The following KIAA0825 variants were observed in gnomAD, a reference collection of about 807,000 sequenced individuals.
The protein encoded by KIAA0825 is uncharacterized protein KIAA0825.
KIAA0825 carries 119 observed loss-of-function variants against 147.6 expected under a neutral mutation model. That is an observed-to-expected ratio of 0.81 (90% CI 0.69 to 0.94). The LOEUF (loss-of-function observed/expected upper bound fraction) is 0.94. KIAA0825 is among the 40% of genes least tolerant of loss of function. KIAA0825 has a pLI of 0.00. For missense variants in KIAA0825, 1,381 were observed against 1,472.7 expected, an observed-to-expected ratio of 0.94 and a Z score of 1.02; for synonymous variants, 470 against 518.1, an observed-to-expected ratio of 0.91 and a Z score of 1.26.
At chr5:94,463,287 G>A (rs1584567268) in intron 11 of KIAA0825, among the ~76,000 whole-genome samples, 1 of 150,802 alleles carries the variant, frequency 6.6e-6, no homozygotes, top group East Asian at 1.9e-4. Flanking sequence ...TTTACATTCA[G>A]GGTTGAAGAA....
intron 2 of KIAA0825, among the ~76,000 whole-genome samples, chr5:94,570,975 T>C (rs1455669123): frequency 1.3e-5 from 2 of 152,218 alleles, no homozygotes; most frequent in African/African-American, 4.8e-5. Context: ...TCATGAACAT[T>C]TATAGGCTGT....
chr5:94,384,315 A>G (rs1748848408), intron 20 of KIAA0825, 53 bp downstream of exon 20: 5 of 1,328,234 alleles, frequency 3.8e-6, no homozygotes, highest in African/African-American at 2.9e-5. Context: ...ACACACACGC[A>G]CACACACAAC....
At chr5:94,552,739 T>C (rs1775775258) in intron 2 of KIAA0825, among the ~76,000 whole-genome samples, 1 of 152,216 alleles carries the variant, frequency 6.6e-6, no homozygotes, top group Admixed American at 6.5e-5. Context: ...GTCTGGAGGA[T>C]ACCATGTTAA....
intron 20 of KIAA0825, among the ~76,000 whole-genome samples, chr5:94,230,853 A>G (rs1388012158): frequency 6.6e-6 from 1 of 151,984 alleles, no homozygotes; most frequent in Non-Finnish European, 1.5e-5. Flanking sequence ...CCTTCCCAAT[A>G]TTTTCACTGT....
chr5:94,600,321 T>C (rs1456544078), intron 1 of KIAA0825, among the ~76,000 whole-genome samples: 1 of 152,082 alleles, frequency 6.6e-6, no homozygotes, highest in Non-Finnish European at 1.5e-5. Flanking sequence ...GATATTTCCT[T>C]AATAGCATAT....
chr5:94,158,891 TCAA>T (rs1767286008), intron 20 of KIAA0825, among the ~76,000 whole-genome samples: 2 of 152,184 alleles, frequency 1.3e-5, no homozygotes, highest in Non-Finnish European at 2.9e-5. Flanking sequence ...TAGCAAGCAC[TCAA>T]CAAGTGATAA....
At chr5:94,589,644 C>T (rs549309237) in intron 1 of KIAA0825, among the ~76,000 whole-genome samples, 2 of 152,130 alleles carry the variant, frequency 1.3e-5, no homozygotes, top group East Asian at 3.9e-4. Flanking sequence ...TCTAGGCACT[C>T]CATATTTTGA....
chr5:94,223,565 C>A (rs563891221), intron 20 of KIAA0825, among the ~76,000 whole-genome samples: 1 of 152,284 alleles, frequency 6.6e-6, no homozygotes, highest in African/African-American at 2.4e-5. Context: ...ACTTGACAAA[C>A]GTTTTCCAAG....
intron 20 of KIAA0825, among the ~76,000 whole-genome samples, chr5:94,200,543 A>T (rs1771570531): frequency 6.9e-6 from 1 of 144,424 alleles, no homozygotes; most frequent in South Asian, 2.3e-4. Flanking sequence ...TATCATGACC[A>T]TTCTATGCTT....
At chr5:94,384,798 T>C (rs766452652) in intron 19 of KIAA0825, among the ~76,000 whole-genome samples, 15 of 152,212 alleles carry the variant, frequency 9.9e-5, no homozygotes, top group Non-Finnish European at 2.1e-4. Context: ...GGCAACTTTT[T>C]CATACATCAT....
intron 9 of KIAA0825, among the ~76,000 whole-genome samples, chr5:94,470,598 T>G (rs947763198): frequency 6.6e-6 from 1 of 152,212 alleles, no homozygotes; most frequent in African/African-American, 2.4e-5. Context: ...TACAGAAATA[T>G]TAAATAAAAT....
At chr5:94,334,453 A>G (rs1214684884) in intron 20 of KIAA0825, among the ~76,000 whole-genome samples, 1 of 152,220 alleles carries the variant, frequency 6.6e-6, no homozygotes, top group Non-Finnish European at 1.5e-5. Flanking sequence ...AAGGTAGAAT[A>G]AAGATTTCAC....
intron 4 of KIAA0825, among the ~76,000 whole-genome samples, chr5:94,521,998 C>T (rs897098791): frequency 6.6e-6 from 1 of 151,618 alleles, no homozygotes; most frequent in Admixed American, 6.6e-5. Context: ...CACTGCAATG[C>T]CTAATGTTCT....
chr5:94,555,922 G>C (rs901324483), intron 2 of KIAA0825, among the ~76,000 whole-genome samples: 1 of 152,148 alleles, frequency 6.6e-6, no homozygotes, highest in Non-Finnish European at 1.5e-5. Flanking sequence ...GAATTTTCAA[G>C]TATAGTAAAA....
chr5:94,588,029 A>C (rs1462493203), intron 1 of KIAA0825, among the ~76,000 whole-genome samples: 1 of 152,098 alleles, frequency 6.6e-6, no homozygotes, highest in Non-Finnish European at 1.5e-5. Flanking sequence ...CTTACATCTG[A>C]CCAAAAATTG....
chr5:94,584,805 C>T lies in KIAA0825; in HGVS notation c.-152-2222G>A, dbSNP rs528034852. ...CAGCCAGAGAGAAAGGTCATGTTAC[C>T]CACAAAGGGAAGCCCATGAGACTAA... On this transcript the variant is annotated intron_variant, in intron 1 of 20. Coordinates refer to ENST00000682413, the MANE Select transcript of KIAA0825 (RefSeq NM_001145678.3). Among the ~76,000 whole-genome samples the T allele has an allele frequency of 2.0e-5, 3 of 152,220 alleles. No homozygotes were observed. The South Asian group carries it at 6.2e-4, about 32-fold the overall frequency.
intron 20 of KIAA0825, among the ~76,000 whole-genome samples, chr5:94,290,208 A>G (rs13161726): frequency 0.14 from 21,871 of 152,102 alleles, 1,731 homozygotes; most frequent in African/African-American, 0.19. Context: ...ATAGATATAC[A>G]TGTGCCATGG....
chr5:94,461,292 C>T (rs934952131), intron 12 of KIAA0825, among the ~76,000 whole-genome samples: 11 of 151,862 alleles, frequency 7.2e-5, no homozygotes, highest in Non-Finnish European at 1.3e-4. Flanking sequence ...CAACTTTGTT[C>T]CCGATTTTCA....
At chr5:94,302,940 CACAT>C (rs1303079296) in intron 20 of KIAA0825, among the ~76,000 whole-genome samples, 2 of 151,964 alleles carry the variant, frequency 1.3e-5, no homozygotes, top group East Asian at 3.9e-4. Context: ...TGTCAGGTAA[CACAT>C]ACACTTAAAA....
Sources: allele counts gnomAD v4.1 joint callset (sites outside exome capture counted in the v4.1 genomes callset), GRCh38; gene constraint gnomAD v4.1.1; transcripts MANE v1.5; gene names NCBI Gene and HGNC (gene_info 2026-07-23, HGNC 2026-07-21).